ATE1: variants seen among roughly 807,000 people sequenced by gnomAD.
ATE1 encodes arginyl-tRNA--protein transferase 1.
A neutral mutation model predicts 70.5 loss-of-function variants in ATE1; 36 were observed. That is an observed-to-expected ratio of 0.51 (90% CI 0.39 to 0.67). The LOEUF is 0.67. Ranked by LOEUF, ATE1 falls within the 30% of genes least tolerant of loss-of-function variation. The pLI is 0.00. For synonymous variants in ATE1, 232 were observed against 219.3 expected (o/e 1.06, Z -0.51); for missense variants, 593 against 629.5 (o/e 0.94, Z 0.62).
At chr10:121,819,633 G>A (rs1947702758) in intron 10 of ATE1, among the ~76,000 whole-genome samples, 2 of 120,432 alleles carry the variant, frequency 1.7e-5, no homozygotes, top group African/African-American at 3.1e-5. Flanking sequence ...CGTGAACCTG[G>A]GAGACAGAGC....
At chr10:121,897,081 G>A (rs1174720792) in intron 7 of ATE1, among the ~76,000 whole-genome samples, 1 of 152,034 alleles carries the variant, frequency 6.6e-6, no homozygotes, top group East Asian at 1.9e-4. Flanking sequence ...CTAACCTCCA[G>A]TTTCACACTA....
At chr10:121,749,909 T>G (rs1040979621) in intron 11 of ATE1, among the ~76,000 whole-genome samples, 1 of 152,176 alleles carries the variant, frequency 6.6e-6, no homozygotes, top group Non-Finnish European at 1.5e-5. Flanking sequence ...TATAATATAT[T>G]AACTTGAAAA....
chr10:121,860,700 TTTAAG>T (rs1400910581), intron 8 of ATE1, among the ~76,000 whole-genome samples: 3 of 152,352 alleles, frequency 2.0e-5, no homozygotes, highest in Admixed American at 6.5e-5. Flanking sequence ...GACGTTGTTA[TTTAAG>T]TTATTTTCTT....
chr10:121,859,375 G>A (rs1949385225), intron 8 of ATE1, among the ~76,000 whole-genome samples: 1 of 150,566 alleles, frequency 6.6e-6, no homozygotes. Flanking sequence ...TCCTGCCTCA[G>A]CCTCCCAAGT....
chr10:121,796,573 G>T (rs1181407630), intron 10 of ATE1, among the ~76,000 whole-genome samples: 1 of 152,118 alleles, frequency 6.6e-6, no homozygotes, highest in Non-Finnish European at 1.5e-5. Flanking sequence ...ACACAAAGTA[G>T]AGCTGTAATA....
At chr10:121,762,954 T>C (rs999486345) in intron 11 of ATE1, among the ~76,000 whole-genome samples, 1 of 152,210 alleles carries the variant, frequency 6.6e-6, no homozygotes, top group Non-Finnish European at 1.5e-5. Context: ...TTAGTTCGCT[T>C]AAAGTCACCT....
At chr10:121,746,503 T>C (rs1438151733) in intron 11 of ATE1, among the ~76,000 whole-genome samples, 1 of 152,314 alleles carries the variant, frequency 6.6e-6, no homozygotes, top group South Asian at 2.1e-4. Flanking sequence ...AAATTTGAAT[T>C]TCCTGAAAAT....
At chr10:121,902,671 T>C (rs1244023079) in intron 5 of ATE1, 51 bp from the exon 6 acceptor site, 1 of 1,504,956 alleles carries the variant, frequency 6.6e-7, no homozygotes. Context: ...TCTAGAAAAG[T>C]TTTTTCACAT....
At chr10:121,803,241 AAT>A (rs1214220710) in intron 10 of ATE1, among the ~76,000 whole-genome samples, 2 of 152,198 alleles carry the variant, frequency 1.3e-5, no homozygotes, top group Non-Finnish European at 2.9e-5. Flanking sequence ...ATTCTCAATA[AAT>A]ACTTATTCAG....
chr10:121,850,066 C>T (rs1226769293), intron 8 of ATE1, among the ~76,000 whole-genome samples: 2 of 151,984 alleles, frequency 1.3e-5, no homozygotes, highest in African/African-American at 4.8e-5. Context: ...AGAGTGGTCA[C>T]GTAGTATTGT....
chr10:121,911,115 G>T lies in ATE1; in HGVS notation c.374C>A (p.Ala125Glu). The T allele has an allele frequency of 6.2e-7, 1 of 1,608,982 alleles. No individual in the cohort carries two copies. The highest frequency in any genetic ancestry group is 8.5e-7 in the Non-Finnish European group (1 of 1,179,060). The change falls in exon 5 of 12, where the codon GCG becomes GAG. Residue 125 changes from alanine (A) to glutamate (E), a missense_variant. Physicochemically the swap from Ala to Glu is moderately radical, Grantham distance 107 (BLOSUM62 -1). Transcript: ENST00000224652. ...TTTATTTATCAATGCAAAGTCACCC[G>T]CAACAGCATCATCCATTGTGGAATC... ...PMDSTMDDAV[A>E]GDFALINKLD... is the part of the protein sequence containing the mutation.
intron 8 of ATE1, among the ~76,000 whole-genome samples, chr10:121,845,095 T>C (rs1590465442): frequency 6.6e-6 from 1 of 152,216 alleles, no homozygotes; most frequent in Admixed American, 6.5e-5. Context: ...ACAACCTTTA[T>C]ATGCTCTGGG....
chr10:121,852,113 C>G (rs1949077502), intron 8 of ATE1, among the ~76,000 whole-genome samples: 1 of 152,210 alleles, frequency 6.6e-6, no homozygotes, highest in African/African-American at 2.4e-5. Context: ...ATATGCCAGG[C>G]ATCAGGCCAG....
rs774907551 is a variant in ATE1 at position 121,924,325 on chromosome 10, C to T, written c.111G>A (p.Met37Ile). Residue 37 changes from methionine to isoleucine, a missense_variant, in exon 2 of 12, where the codon ATG becomes ATA. Physicochemically the swap from Met to Ile is conservative, Grantham distance 10 (BLOSUM62 1). This residue lies in a region of ATE1 where 467 missense variants were observed against 469.6 expected (regional missense o/e 0.99). Coordinates refer to ENST00000224652, the MANE Select transcript of ATE1 (RefSeq NM_001001976.3). The stretch of plus-strand genomic sequence containing the variant: ...CCTGTACTGTCATGGAATGTGCCCA[C>T]ATGCCTGAAAAAATAAGTAGTGTGT... ...KNESGSRSNG[M>I]WAHSMTVQDY... 4.3e-6 allele frequency: 7 copies of T among 1,613,780 alleles called. No homozygotes were observed. The highest frequency in any genetic ancestry group is 3.3e-5 in the Admixed American group (2 of 59,984).
intron 7 of ATE1, among the ~76,000 whole-genome samples, chr10:121,896,431 G>C (rs1213116643): frequency 2.0e-5 from 3 of 152,212 alleles, no homozygotes; most frequent in African/African-American, 7.2e-5. Flanking sequence ...GCTAGTTGAA[G>C]ACTGCTGATA....
intron 10 of ATE1, among the ~76,000 whole-genome samples, chr10:121,829,130 A>G (rs1461509236): frequency 6.6e-6 from 1 of 152,166 alleles, no homozygotes; most frequent in Non-Finnish European, 1.5e-5. Context: ...TGGTTGTTAA[A>G]AATATTGCTC....
At chr10:121,858,681 T>A (rs1433362024) in intron 8 of ATE1, among the ~76,000 whole-genome samples, 2 of 130,148 alleles carry the variant, frequency 1.5e-5, no homozygotes, top group Non-Finnish European at 1.6e-5. Context: ...ATATATATAT[T>A]TTTATATATT....
chr10:121,894,879 C>T (rs984188544), intron 7 of ATE1, among the ~76,000 whole-genome samples: 2 of 151,276 alleles, frequency 1.3e-5, no homozygotes, highest in African/African-American at 4.9e-5. Flanking sequence ...CCAGCCTGGG[C>T]GACAGAGTGA....
rs1951917355 is a variant in ATE1 at position 121,922,407 on chromosome 10, C to T, written c.175G>A (p.Gly59Arg). The stretch of plus-strand genomic sequence containing the variant: ...ATGACAGGTTTGTACACATATTTTC[C>T]ACTTCTAAAATTATAAAAATAGTTT... ...DLIDRGWRRS[G>R]KYVYKPVMNQ... Residue 59 changes from glycine (G) to arginine (R), a missense_variant, in exon 3 of 12, where the codon GGA becomes AGA. Around this residue, in one of 3 missense-constraint regions of ATE1, gnomAD observed 467 missense variants for 469.6 expected, o/e 0.99. Transcript: ENST00000224652. The T allele has an allele frequency of 6.3e-7, 1 of 1,590,960 alleles. No homozygotes were observed. The highest frequency in any genetic ancestry group is 8.6e-7 in the Non-Finnish European group (1 of 1,161,796).
Sources: allele counts gnomAD v4.1 joint callset (sites outside exome capture counted in the v4.1 genomes callset), GRCh38; gene constraint gnomAD v4.1.1; regional missense constraint gnomAD v4.1.1; transcripts MANE v1.5; gene names NCBI Gene and HGNC (gene_info 2026-07-23, HGNC 2026-07-21).